Variants in NBPF12 observed in about 807,000 individuals in gnomAD.
NBPF12 encodes NBPF member 12.
A neutral mutation model predicts 146.4 loss-of-function variants in NBPF12; 115 were observed. That is an observed-to-expected ratio of 0.79 (90% CI 0.68 to 0.92). The LOEUF is 0.92. Ranked by LOEUF, NBPF12 falls within the 40% of genes least tolerant of loss-of-function variation. NBPF12 has a pLI of 0.00. For missense variants in NBPF12, 1,205 were observed against 1,326.8 expected (o/e 0.91, Z 1.43); for synonymous variants, 385 against 508.9 (o/e 0.76, Z 3.28).
intron 5 of NBPF12, among the ~76,000 whole-genome samples, chr1:146,962,520 C>A (rs1655919448): frequency 6.6e-6 from 1 of 151,676 alleles, no homozygotes; most frequent in African/African-American, 2.4e-5. Flanking sequence ...ACAAAATTCA[C>A]CAAAGGAGTG....
At chr1:146,995,869 T>C (rs1306489337) in exon 34 of NBPF12, 5 of 150,222 alleles carry the variant, frequency 3.3e-5, no homozygotes, top group African/African-American at 1.2e-4. Flanking sequence ...TATCCTGTAT[T>C]CTAATGATCA....
chr1:146,964,271 A>G, intron 6 of NBPF12, 86 bp from the exon 10 acceptor site: 3 of 1,575,378 alleles, frequency 1.9e-6, no homozygotes, highest in Non-Finnish European at 2.6e-6. Flanking sequence ...CCATACATAG[A>G]TGTTCATGTC....
chr1:146,941,086 A>G (rs1427362902), intron 1 of NBPF12, among the ~76,000 whole-genome samples: 1 of 151,598 alleles, frequency 6.6e-6, no homozygotes, highest in African/African-American at 2.4e-5. Flanking sequence ...GAGATTCTCT[A>G]ATTTTTTTTC....
intron 15 of NBPF12, among the ~76,000 whole-genome samples, chr1:146,975,170 A>T (rs1438313322): frequency 2.9e-5 from 4 of 136,470 alleles, no homozygotes; most frequent in Non-Finnish European, 6.1e-5. Context: ...CATCCCACTT[A>T]CCCTTAGTGA....
upstream of NBPF12, among the ~76,000 whole-genome samples, chr1:146,945,537 TG>T (rs1655013538): frequency 6.6e-6 from 1 of 151,822 alleles, no homozygotes; most frequent in African/African-American, 2.4e-5. Context: ...GACTCCAGGT[TG>T]GTGCACTTCA....
exon 34 of NBPF12, chr1:146,994,409 C>T (rs374120061): frequency 1.2e-6 from 2 of 1,612,326 alleles, no homozygotes; most frequent in Non-Finnish European, 8.5e-7. Context: ...TCGACTCCAT[C>T]AATGTACTTT....
At chr1:146,961,060 C>A (rs1262183819) in intron 4 of NBPF12, among the ~76,000 whole-genome samples, 4 of 152,048 alleles carry the variant, frequency 2.6e-5, no homozygotes, top group Admixed American at 1.3e-4. Context: ...GCAGAAGAAG[C>A]CTTTGAACCC....
intron 7 of NBPF12, 37 bp downstream of exon 10, chr1:146,964,466 A>G (rs1358439184): frequency 3.1e-6 from 5 of 1,594,976 alleles, no homozygotes; most frequent in Non-Finnish European, 4.3e-6. Context: ...AATGGGTGGT[A>G]ACATATGAAA....
At chr1:146,983,388 G>T in intron 20 of NBPF12, 2 of 589,566 alleles carry the variant, frequency 3.4e-6, no homozygotes, top group South Asian at 3.7e-5. Context: ...TGTAGCACAT[G>T]CCCAGGAGTT....
chr1:146,956,193 T>G (rs1292525979), intron 2 of NBPF12, among the ~76,000 whole-genome samples: 1 of 151,670 alleles, frequency 6.6e-6, no homozygotes, highest in Admixed American at 6.6e-5. Context: ...GGAATACTAC[T>G]CAGTCTTTAC....
At position 146,972,309 on chromosome 1, in the gene NBPF12, G is replaced by A. The variant is rs1239207009; in HGVS notation, c.1592-442G>A. Among the ~76,000 whole-genome samples, 3 of 151,150 alleles carry A rather than the reference G, an allele frequency of 2.0e-5. 1 individual carries two copies. The highest frequency in any genetic ancestry group is 4.9e-5 in the African/African-American group (2 of 40,688). On this transcript the variant is annotated intron_variant, in intron 13 of 33. Transcript: ENST00000617844. Reference sequence around the variant, plus strand: ...CTTGGCAGGCTGAGTGATGAGAATCGCTTGAACCCGGGAGGCAGAGGTGGC... The same window carrying A: ...CTTGGCAGGCTGAGTGATGAGAATCACTTGAACCCGGGAGGCAGAGGTGGC...
Position 146,971,180 on chromosome 1 carries a change from C to G in NBPF12, c.1380-3C>G. ...GTCATCTCTGTCCCACCTGGCTCAT[C>G]AGGGAGATGCAGAAGGCTGAAGAAA... On this transcript the variant is annotated splice_polypyrimidine_tract_variant and splice_region_variant and intron_variant, in intron 12 of 33. Transcript: ENST00000617844. 6.2e-7 allele frequency: 1 copy of G among 1,611,210 alleles called. No individual in the cohort carries two copies. The highest frequency in any genetic ancestry group is 8.5e-7 in the Non-Finnish European group (1 of 1,179,714).
At chr1:146,942,313 T>C (rs2101806219) in intron 1 of NBPF12, among the ~76,000 whole-genome samples, 1 of 150,556 alleles carries the variant, frequency 6.6e-6, no homozygotes, top group South Asian at 2.1e-4. Context: ...AATTTTTATA[T>C]TTTTCTAATT....
At chr1:146,963,007 A>G (rs1179774369) in intron 5 of NBPF12, 88 bp from the exon 9 acceptor site, 75 of 1,365,026 alleles carry the variant, frequency 5.5e-5, no homozygotes, top group Middle Eastern at 2.5e-4. Flanking sequence ...TCTCCTTGAG[A>G]ACATTGTCTC....
intron 21 of NBPF12, among the ~76,000 whole-genome samples, chr1:146,984,543 C>T (rs1379279741): frequency 6.8e-6 from 1 of 146,630 alleles, no homozygotes; most frequent in Non-Finnish European, 1.5e-5. Flanking sequence ...ACTCCCTCAT[C>T]AGTGTGTCAC....
chr1:146,986,900 A>G (rs2101916380), intron 24 of NBPF12, among the ~76,000 whole-genome samples: 1 of 129,032 alleles, frequency 7.8e-6, no homozygotes, highest in African/African-American at 2.9e-5. Context: ...GCATTTGATG[A>G]GACAGGGCCG....
At chr1:146,981,042 A>G (rs1317171488) in intron 19 of NBPF12, among the ~76,000 whole-genome samples, 4 of 138,424 alleles carry the variant, frequency 2.9e-5, no homozygotes, top group African/African-American at 1.1e-4. Flanking sequence ...AAAAAACCAA[A>G]TACCGCATGT....
intron 19 of NBPF12, among the ~76,000 whole-genome samples, chr1:146,982,499 T>C (rs1160102790): frequency 6.6e-6 from 1 of 151,712 alleles, no homozygotes; most frequent in Admixed American, 6.6e-5. Flanking sequence ...AAAGTAAATA[T>C]ATTATATCAA....
At chr1:146,964,960 T>C in exon 8 of NBPF12, 1 of 1,608,208 alleles carries the variant, frequency 6.2e-7, no homozygotes. Flanking sequence ...CATCACTTGT[T>C]CAAATAGCCA....
Sources: allele counts gnomAD v4.1 joint callset (sites outside exome capture counted in the v4.1 genomes callset), GRCh38; gene constraint gnomAD v4.1.1; transcripts MANE v1.5; gene names NCBI Gene and HGNC (gene_info 2026-07-23, HGNC 2026-07-21).